ST7: variants seen among roughly 807,000 people sequenced by gnomAD.
The protein encoded by ST7 is suppressor of tumorigenicity 7 protein.
Under a neutral mutation model 78.7 loss-of-function variants are expected in ST7, and 28 were observed. The ratio of observed to expected loss-of-function variants is 0.36; its 90% CI spans 0.26 to 0.49. The LOEUF (loss-of-function observed/expected upper bound fraction) is 0.49. Among genes scored for constraint, ST7 ranks in the 20% least tolerant of loss-of-function variants. The pLI is 0.99. For missense variants in ST7, 418 were observed against 696.0 expected, an observed-to-expected ratio of 0.60 and a Z score of 4.49; for synonymous variants, 247 against 249.6, an observed-to-expected ratio of 0.99 and a Z score of 0.10.
chr7:117,017,823 C>T (rs1019428676), intron 1 of ST7, among the ~76,000 whole-genome samples: 5 of 152,150 alleles, frequency 3.3e-5, no homozygotes, highest in African/African-American at 1.2e-4. Context: ...TGGATCCAAA[C>T]GTTCTAAAGT....
intron 12 of ST7, 115 bp from the exon 13 acceptor site, chr7:117,209,672 G>T: frequency 8.1e-7 from 1 of 1,239,760 alleles, no homozygotes; most frequent in Non-Finnish European, 1.1e-6. Context: ...GAGGTTGCAG[G>T]TTTAATGAAA....
intron 10 of ST7, among the ~76,000 whole-genome samples, chr7:117,179,987 T>A (rs1265702009): frequency 2.6e-5 from 4 of 152,208 alleles, no homozygotes; most frequent in African/African-American, 7.2e-5. Context: ...TTGTGAGGTT[T>A]TCTGAACATT....
intron 15 of ST7, among the ~76,000 whole-genome samples, chr7:117,226,494 G>C (rs1441680614): frequency 1.3e-5 from 2 of 152,110 alleles, no homozygotes; most frequent in Non-Finnish European, 2.9e-5. Flanking sequence ...GAAAACTGCT[G>C]TTTCTCCTTC....
rs1159342036 is a variant in ST7 at position 117,190,320 on chromosome 7, C to T, written c.1152-514C>T. 1 of 168,228 alleles carries T rather than the reference C, an allele frequency of 5.9e-6. No individual in the cohort carries two copies. The highest frequency in any genetic ancestry group is 2.4e-5 in the African/African-American group (1 of 41,438). 10.4% of individuals were successfully genotyped at this position (168,228 alleles called of 1,614,324 possible). On this transcript the variant is annotated intron_variant, in intron 11 of 15. Coordinates refer to ENST00000323984, the MANE Select transcript of ST7 (RefSeq NM_001369598.1). This position sits in a 1 kb window ranked among gnomAD's most constrained non-coding sequence, Gnocchi z 5.2. ...TTTTTTCATTCACTTGGGCAGGTGT[C>T]TTGCCCGCAGTTTGGGCATGCACAC...
intron 1 of ST7, among the ~76,000 whole-genome samples, chr7:117,097,827 T>C (rs1475928401): frequency 7.5e-6 from 1 of 132,504 alleles, no homozygotes; most frequent in Non-Finnish European, 1.6e-5. Context: ...TATCACTATA[T>C]ATATATATAT....
chr7:117,116,982 G>T (rs1563094376), intron 2 of ST7, among the ~76,000 whole-genome samples: 1 of 152,060 alleles, frequency 6.6e-6, no homozygotes, highest in Non-Finnish European at 1.5e-5. Flanking sequence ...TGGAAGTAAA[G>T]ATTTGAAAAA....
At chr7:117,123,099 A>G (rs1320351340) in intron 3 of ST7, among the ~76,000 whole-genome samples, 1 of 152,192 alleles carries the variant, frequency 6.6e-6, no homozygotes, top group East Asian at 1.9e-4. Flanking sequence ...GCTGAATTGT[A>G]CATGAAATAT....
chr7:116,996,642 C>A (rs1385370057), intron 1 of ST7, among the ~76,000 whole-genome samples: 1 of 152,172 alleles, frequency 6.6e-6, no homozygotes, highest in Non-Finnish European at 1.5e-5. Context: ...TAGGTGCATT[C>A]TTCTTTATTA....
intron 15 of ST7, chr7:117,223,187 C>A: frequency 1.7e-6 from 1 of 576,452 alleles, no homozygotes; most frequent in East Asian, 2.9e-5. Context: ...TGTGATTCAC[C>A]TCTTCTTTCC....
At chr7:117,024,661 C>T (rs535983601) in intron 1 of ST7, among the ~76,000 whole-genome samples, 3 of 152,206 alleles carry the variant, frequency 2.0e-5, no homozygotes, top group African/African-American at 7.2e-5. Context: ...AAATAAATCA[C>T]CAGAGAACCA....
At chr7:117,097,623 C>T (rs1801155653) in intron 1 of ST7, among the ~76,000 whole-genome samples, 2 of 151,236 alleles carry the variant, frequency 1.3e-5, no homozygotes, top group African/African-American at 4.9e-5. Context: ...TATGCCTGGC[C>T]TCTGCTGACT....
chr7:117,011,526 T>A (rs190508902), intron 1 of ST7, among the ~76,000 whole-genome samples: 115 of 152,300 alleles, frequency 7.6e-4, no homozygotes, highest in Non-Finnish European at 1.6e-4. Flanking sequence ...ATACAGGGGT[T>A]CTAGAATTTA....
At chr7:117,114,636 T>C (rs557879287) in intron 2 of ST7, among the ~76,000 whole-genome samples, 2 of 152,294 alleles carry the variant, frequency 1.3e-5, no homozygotes, top group South Asian at 4.1e-4. Context: ...GGTTTAATGG[T>C]GTTGGTGTGG....
intron 8 of ST7, among the ~76,000 whole-genome samples, chr7:117,138,188 C>T (rs1047091621): frequency 6.6e-6 from 1 of 152,076 alleles, no homozygotes; most frequent in African/African-American, 2.4e-5. Context: ...TGTTCATTTT[C>T]GCAGCACTTT....
At chr7:117,197,423 AT>A (rs1351070917) in intron 12 of ST7, among the ~76,000 whole-genome samples, 2 of 152,156 alleles carry the variant, frequency 1.3e-5, no homozygotes, top group African/African-American at 4.8e-5. Flanking sequence ...AGTCAGGATT[AT>A]TTCCTTAGGG....
chr7:117,041,624 C>G (rs762518446), intron 1 of ST7, among the ~76,000 whole-genome samples: 1 of 152,154 alleles, frequency 6.6e-6, no homozygotes. Flanking sequence ...AATGCCCCTT[C>G]TCTCTGCATA....
At chr7:116,991,036 C>G (rs945583665) in intron 1 of ST7, among the ~76,000 whole-genome samples, 15 of 152,216 alleles carry the variant, frequency 9.9e-5, no homozygotes, top group African/African-American at 3.1e-4. Flanking sequence ...CTAACCCTGA[C>G]CCAAATCCCT....
At chr7:117,097,908 A>ATATATATTTTTT in intron 1 of ST7, among the ~76,000 whole-genome samples, 3 of 30,010 alleles carry the variant, frequency 1.0e-4, no homozygotes, top group East Asian at 1.7e-3. Context: ...ATATATATAT[A>ATATATATTTTTT]TTTTTTTTTT....
chr7:117,162,689 T>C (rs1480744007), intron 9 of ST7, among the ~76,000 whole-genome samples: 1 of 151,970 alleles, frequency 6.6e-6, no homozygotes, highest in Non-Finnish European at 1.5e-5. Context: ...ATGTTATGTT[T>C]TTAGAATATA....
Sources: allele counts gnomAD v4.1 joint callset (sites outside exome capture counted in the v4.1 genomes callset), GRCh38; gene constraint gnomAD v4.1.1; non-coding constraint Gnocchi (gnomAD v3.1); transcripts MANE v1.5; gene names NCBI Gene and HGNC (gene_info 2026-07-23, HGNC 2026-07-21).